Variants in HCN1 observed in about 807,000 individuals in gnomAD.
The protein encoded by HCN1 is hyperpolarization activated cyclic nucleotide gated potassium channel 1, also known as potassium/sodium hyperpolarization-activated cyclic nucleotide-gated channel 1.
Under a neutral mutation model 78.9 loss-of-function variants are expected in HCN1, and 13 were observed. That is an observed-to-expected ratio of 0.16 (90% CI 0.11 to 0.26). HCN1 has a LOEUF of 0.26. Ranked by LOEUF, HCN1 falls within the 10% of genes least tolerant of loss-of-function variation. HCN1 has a pLI of 1.00. For synonymous variants in HCN1, 552 were observed against 455.5 expected (o/e 1.21, Z -2.70); for missense variants, 810 against 1,154.3 (o/e 0.70, Z 4.32).
intron 2 of HCN1, among the ~76,000 whole-genome samples, chr5:45,587,025 T>C (rs1012219650): frequency 6.6e-6 from 1 of 152,090 alleles, no homozygotes; most frequent in Non-Finnish European, 1.5e-5. Flanking sequence ...GTCAGATCAA[T>C]GCTTCTAAAA....
At chr5:45,676,083 ATG>A (rs901688016) in intron 1 of HCN1, among the ~76,000 whole-genome samples, 1 of 151,766 alleles carries the variant, frequency 6.6e-6, no homozygotes, top group Non-Finnish European at 1.5e-5. Context: ...GAGTGCATGT[ATG>A]TGTATGTATA....
At chr5:45,380,322 T>C (rs1038450153) in intron 4 of HCN1, among the ~76,000 whole-genome samples, 9 of 152,070 alleles carry the variant, frequency 5.9e-5, no homozygotes, top group African/African-American at 2.2e-4. Context: ...ACTTAATCAC[T>C]TCCCAAAAGG....
chr5:45,669,069 A>T (rs561594237), intron 1 of HCN1, among the ~76,000 whole-genome samples: 1 of 151,868 alleles, frequency 6.6e-6, no homozygotes. Flanking sequence ...TCTCTATCTC[A>T]TTCCTTATAG....
At chr5:45,530,924 A>C (rs571268364) in intron 2 of HCN1, among the ~76,000 whole-genome samples, 7 of 152,168 alleles carry the variant, frequency 4.6e-5, no homozygotes, top group African/African-American at 7.2e-5. Flanking sequence ...CTGGGAAAAG[A>C]AGCAAGGATA....
At chr5:45,603,912 A>G (rs537888297) in intron 2 of HCN1, among the ~76,000 whole-genome samples, 2 of 152,226 alleles carry the variant, frequency 1.3e-5, no homozygotes, top group African/African-American at 4.8e-5. Flanking sequence ...TACGGTGTTT[A>G]TTATTGAATA....
At chr5:45,461,135 T>C (rs73101235) in intron 3 of HCN1, among the ~76,000 whole-genome samples, 1 of 151,836 alleles carries the variant, frequency 6.6e-6, no homozygotes, top group Non-Finnish European at 1.5e-5. Flanking sequence ...AAAATATATA[T>C]AGAGAGATTT....
At chr5:45,384,695 A>T (rs923772234) in intron 4 of HCN1, among the ~76,000 whole-genome samples, 5 of 152,160 alleles carry the variant, frequency 3.3e-5, no homozygotes, top group African/African-American at 1.2e-4. Context: ...GATGTTATGG[A>T]CTAATTTTGG....
At position 45,629,468 on chromosome 5, in the gene HCN1, A is replaced by G. The variant is rs151019054; in HGVS notation, c.849+15717T>C. On this transcript the variant is annotated intron_variant, in intron 2 of 7. Coordinates refer to ENST00000303230, the MANE Select transcript of HCN1 (RefSeq NM_021072.4). ...GCAATGAAGTGATTCTCCATAAATCAGAGTAAGGTGTAAAACTCAAAGATA... is the reference window on the plus strand; with the variant it reads ...GCAATGAAGTGATTCTCCATAAATCGGAGTAAGGTGTAAAACTCAAAGATA... Among the ~76,000 whole-genome samples the G allele has an allele frequency of 9.4e-3, 1,435 of 152,298 alleles. 13 individuals carry two copies. The highest frequency in any genetic ancestry group is 0.055 in the Middle Eastern group (16 of 292).
At chr5:45,271,868 T>C (rs774345492) in intron 6 of HCN1, among the ~76,000 whole-genome samples, 15 of 152,144 alleles carry the variant, frequency 9.9e-5, no homozygotes, top group Non-Finnish European at 1.9e-4. Context: ...AAGGACTTTG[T>C]TCATTACCAA....
At chr5:45,678,644 C>A (rs191572895) in intron 1 of HCN1, among the ~76,000 whole-genome samples, 1 of 151,930 alleles carries the variant, frequency 6.6e-6, no homozygotes, top group African/African-American at 2.4e-5. Flanking sequence ...TACTTAAGCA[C>A]CACCATTCAA....
At chr5:45,490,075 G>A (rs1314958131) in intron 2 of HCN1, among the ~76,000 whole-genome samples, 6 of 152,086 alleles carry the variant, frequency 3.9e-5, no homozygotes, top group South Asian at 4.1e-4. Context: ...GCATCTTTAC[G>A]TATAGAAATT....
chr5:45,678,351 C>A (rs930738457), intron 1 of HCN1, among the ~76,000 whole-genome samples: 1 of 151,910 alleles, frequency 6.6e-6, no homozygotes, highest in African/African-American at 2.4e-5. Context: ...TTTTCTTTAG[C>A]AGACTCAAAG....
intron 2 of HCN1, among the ~76,000 whole-genome samples, chr5:45,641,483 C>G (rs564495048): frequency 6.6e-6 from 1 of 152,172 alleles, no homozygotes; most frequent in African/African-American, 2.4e-5. Flanking sequence ...TCTTTCCTGT[C>G]CCAAAATGTA....
intron 1 of HCN1, among the ~76,000 whole-genome samples, chr5:45,657,504 C>T (rs890345464): frequency 1.3e-5 from 2 of 152,096 alleles, no homozygotes; most frequent in East Asian, 3.9e-4. Context: ...AGGCCAGTAA[C>T]TTAGAGGAAA....
chr5:45,620,215 A>T (rs1745029350), intron 2 of HCN1, among the ~76,000 whole-genome samples: 1 of 152,072 alleles, frequency 6.6e-6, no homozygotes, highest in Non-Finnish European at 1.5e-5. Flanking sequence ...AAGAAGCATG[A>T]CAACTAATAG....
intron 2 of HCN1, among the ~76,000 whole-genome samples, chr5:45,608,220 T>C (rs2337483): frequency 0.5 from 75,129 of 151,770 alleles, 19,737 homozygotes; most frequent in African/African-American, 0.67. Flanking sequence ...TGATAATAAG[T>C]AATACCTAAA....
At chr5:45,425,415 A>C (rs1171630963) in intron 3 of HCN1, among the ~76,000 whole-genome samples, 1 of 152,216 alleles carries the variant, frequency 6.6e-6, no homozygotes, top group African/African-American at 2.4e-5. Context: ...ACTCTAGGAT[A>C]ATTCTTGTTA....
rs760319799 is a variant in HCN1 at position 45,696,049 on chromosome 5, G to A, written c.45C>T (p.Asp15=). The A allele has an allele frequency of 1.6e-5, 22 of 1,351,900 alleles. No homozygotes were observed. The South Asian group carries it at 3.3e-4, about 20-fold the overall frequency. The allele number at this position is 1,351,900 out of a possible 1,614,324, so 83.7% of individuals were successfully genotyped here. ...TGGCGGGGAAGACGCTGTTGCCATC[G>A]TCCCGGCTGTTAGACGAAGAGTTGG... The part of the protein sequence containing the change: ...GKPNSSSNSR[D]DGNSVFPAKA... The change falls in exon 1 of 8, where the codon GAC becomes GAT. Residue 15 remains aspartate, a synonymous_variant. Coordinates refer to ENST00000303230, the MANE Select transcript of HCN1 (RefSeq NM_021072.4).
At position 45,353,238 on chromosome 5, in the gene HCN1, T is replaced by C; in HGVS notation, c.1239A>G (p.Gln413=). The C allele has an allele frequency of 1.3e-6, 2 of 1,599,084 alleles. No individual in the cohort carries two copies. Among genetic ancestry groups the C allele is most frequent in the Non-Finnish European group, 1.7e-6 (2 of 1,167,206 alleles). ...SRRQYQEKYK[Q]VEQYMSFHKL... ...TATGGAATGACATGTATTGTTCCACTTGCTTATACTGTAAGGAAGGGAAAA... is the reference window on the plus strand; with the variant it reads ...TATGGAATGACATGTATTGTTCCACCTGCTTATACTGTAAGGAAGGGAAAA... The change falls in exon 5 of 8, where the codon CAA becomes CAG. Residue 413 remains glutamine (Q), a synonymous_variant. Coordinates refer to ENST00000303230, the MANE Select transcript of HCN1 (RefSeq NM_021072.4).
Sources: allele counts gnomAD v4.1 joint callset (sites outside exome capture counted in the v4.1 genomes callset), GRCh38; gene constraint gnomAD v4.1.1; transcripts MANE v1.5; gene names NCBI Gene and HGNC (gene_info 2026-07-23, HGNC 2026-07-21).